The following NYAP2 variants were observed in gnomAD, a reference collection of about 807,000 sequenced individuals.
The protein encoded by NYAP2 is neuronal tyrosine-phosphorylated phosphoinositide-3-kinase adaptor 2.
NYAP2 carries 23 observed loss-of-function variants against 50.4 expected under a neutral mutation model. That is an observed-to-expected ratio of 0.46 (90% CI 0.33 to 0.65). The LOEUF (loss-of-function observed/expected upper bound fraction) is 0.65. NYAP2 is among the 30% of genes least tolerant of loss of function. The pLI is 0.02. For missense variants in NYAP2, 885 were observed against 861.0 expected, an observed-to-expected ratio of 1.03 and a Z score of -0.35; for synonymous variants, 394 against 365.2, an observed-to-expected ratio of 1.08 and a Z score of -0.90.
rs186388495 is a variant in NYAP2 at position 225,497,638 on chromosome 2, A to G, written c.222-15733A>G. 7.0e-4 allele frequency among the ~76,000 whole-genome samples: 106 copies of G among 152,344 alleles called. 1 individual carries two copies. The East Asian group carries it at 0.017, about 24-fold the overall frequency. On this transcript the variant is annotated intron_variant, in intron 3 of 6. Coordinates refer to ENST00000636099, the Ensembl canonical transcript of NYAP2. Reference sequence around the variant, plus strand: ...TTTAATCCCACAAGGATCCTGAGGGATCATGGGGTAAGGTATTACTACCTC... The same window carrying G: ...TTTAATCCCACAAGGATCCTGAGGGGTCATGGGGTAAGGTATTACTACCTC...
At chr2:225,663,803 G>A in the NYAP2 span, among the ~76,000 whole-genome samples, 1 of 152,042 alleles carries the variant, frequency 6.6e-6, no homozygotes, top group Non-Finnish European at 1.5e-5. Flanking sequence ...TGATCTGCCT[G>A]CCTCAGCCTC....
chr2:225,497,243 A>G (rs965269113), intron 3 of NYAP2, among the ~76,000 whole-genome samples: 8 of 152,196 alleles, frequency 5.3e-5, no homozygotes, highest in South Asian at 2.1e-4. Flanking sequence ...CTATATTTCA[A>G]TCTATCATAT....
chr2:225,468,665 G>A (rs1689963339), intron 3 of NYAP2, among the ~76,000 whole-genome samples: 1 of 152,086 alleles, frequency 6.6e-6, no homozygotes, highest in South Asian at 2.1e-4. Context: ...AGCACTTTAG[G>A]AAATTAACCT....
the NYAP2 span, among the ~76,000 whole-genome samples, chr2:225,679,611 C>T: frequency 1.3e-5 from 2 of 149,440 alleles, no homozygotes; most frequent in East Asian, 4.0e-4. Context: ...TCTCCTGCCT[C>T]AGCCTCTGTA....
downstream of NYAP2, among the ~76,000 whole-genome samples, chr2:225,654,797 C>T (rs1693798121): frequency 6.6e-6 from 1 of 152,226 alleles, no homozygotes; most frequent in South Asian, 2.1e-4. Context: ...AATGCTATGA[C>T]ATTTCAGCCA....
chr2:225,477,236 T>TC (rs1183354645), intron 3 of NYAP2, among the ~76,000 whole-genome samples: 41 of 137,502 alleles, frequency 3.0e-4, no homozygotes, highest in African/African-American at 8.8e-4. Context: ...TATTTCTTTT[T>TC]TTTTTTTTTT....
At chr2:225,621,797 T>G (rs1178662787) in intron 5 of NYAP2, among the ~76,000 whole-genome samples, 1 of 152,060 alleles carries the variant, frequency 6.6e-6, no homozygotes, top group Non-Finnish European at 1.5e-5. Flanking sequence ...GCCATGGTGG[T>G]TTGCTGTGAC....
At chr2:225,412,277 T>TTTTTTC (rs1283501785) in intron 3 of NYAP2, among the ~76,000 whole-genome samples, 1 of 140,086 alleles carries the variant, frequency 7.1e-6, no homozygotes, top group Non-Finnish European at 1.6e-5. Flanking sequence ...TTTTTTTTTT[T>TTTTTTC]TTTTAACAAA....
At chr2:225,403,444 T>A (rs565431971) in intron 2 of NYAP2, among the ~76,000 whole-genome samples, 3 of 152,088 alleles carry the variant, frequency 2.0e-5, no homozygotes, top group African/African-American at 7.2e-5. Context: ...ACAATTAGCA[T>A]TATAATAATC....
In NYAP2 at chr2:225,653,126, A is replaced by G. The variant is rs539704407; in HGVS notation, c.*1561A>G. The G allele has an allele frequency of 4.6e-5, 7 of 152,322 alleles. No individual in the cohort carries two copies. The South Asian group carries it at 1.2e-3, about 27-fold the overall frequency. 9.4% of individuals were successfully genotyped at this position (152,322 alleles called of 1,614,324 possible). The stretch of plus-strand genomic sequence containing the variant: ...AACTTAGCTAATTAAAGCTATTCCA[A>G]AAATATTGTACTTACCAACATTTAA... On this transcript the variant is annotated 3_prime_UTR_variant, in exon 7 of 7. Transcript: ENST00000636099.
chr2:225,529,503 T>G (rs528727516), intron 4 of NYAP2, among the ~76,000 whole-genome samples: 2 of 152,040 alleles, frequency 1.3e-5, no homozygotes, highest in Non-Finnish European at 2.9e-5. Flanking sequence ...TTTTTTATTT[T>G]TAGTAGAGAC....
intron 6 of NYAP2, among the ~76,000 whole-genome samples, chr2:225,639,797 G>A (rs1693494127): frequency 1.3e-5 from 2 of 152,198 alleles, no homozygotes; most frequent in South Asian, 4.1e-4. Flanking sequence ...TACAATCGGT[G>A]ATGAAAGGAG....
intron 4 of NYAP2, among the ~76,000 whole-genome samples, chr2:225,566,831 TTTGA>T (rs1181508968): frequency 1.3e-5 from 2 of 152,130 alleles, no homozygotes; most frequent in African/African-American, 4.8e-5. Flanking sequence ...ACTTCTAGTG[TTTGA>T]TTGACCACTG....
chr2:225,413,118 C>G (rs1695073701), intron 3 of NYAP2, among the ~76,000 whole-genome samples: 1 of 152,120 alleles, frequency 6.6e-6, no homozygotes, highest in Admixed American at 6.6e-5. Context: ...ACATATTTTT[C>G]TAGAATTTTA....
At chr2:225,453,193 A>C (rs966664606) in intron 3 of NYAP2, among the ~76,000 whole-genome samples, 2 of 152,232 alleles carry the variant, frequency 1.3e-5, no homozygotes, top group African/African-American at 4.8e-5. Flanking sequence ...TGATTATGAA[A>C]GTTGTTAATT....
In NYAP2 at chr2:225,596,080, G is replaced by A. The variant is rs181538805; in HGVS notation, c.1618+13045G>A. ...ATGTTGCCCAGGCTAGAGTGCAGTG[G>A]TGATTCACAGGCATGTTCATAGTGC... On this transcript the variant is annotated intron_variant, in intron 5 of 6. Transcript: ENST00000636099. Among the ~76,000 whole-genome samples the A allele has an allele frequency of 5.5e-3, 839 of 152,194 alleles. 10 individuals carry two copies. The highest frequency in any genetic ancestry group is 0.018 in the African/African-American group (762 of 41,516).
At chr2:225,671,326 C>T in the NYAP2 span, among the ~76,000 whole-genome samples, 510 of 152,256 alleles carry the variant, frequency 3.3e-3, 1 homozygote, top group African/African-American at 0.012. Flanking sequence ...CTTGTCATTT[C>T]CACAATGTTC....
At chr2:225,591,764 A>G (rs1399706494) in intron 5 of NYAP2, among the ~76,000 whole-genome samples, 5 of 152,142 alleles carry the variant, frequency 3.3e-5, no homozygotes, top group African/African-American at 7.2e-5. Flanking sequence ...TACTTGATCA[A>G]TCTCTCCAAA....
At chr2:225,629,932 C>T (rs1240333688) in intron 6 of NYAP2, among the ~76,000 whole-genome samples, 29 of 152,198 alleles carry the variant, frequency 1.9e-4, no homozygotes, top group Admixed American at 1.8e-3. Flanking sequence ...ATCCAAATCA[C>T]AGCTGAAGAG....
Sources: gnomAD v4.1 joint callset for allele counts (sites outside exome capture counted in the v4.1 genomes callset) on GRCh38, gnomAD v4.1.1 for gene constraint, MANE v1.5 for transcripts, NCBI Gene and HGNC (gene_info 2026-07-23, HGNC 2026-07-21) for gene names.